Variants in DAB2 observed in about 807,000 individuals in gnomAD.
DAB2 encodes the protein disabled homolog 2.
DAB2 carries 28 observed loss-of-function variants against 71.6 expected under a neutral mutation model. The ratio of observed to expected loss-of-function variants is 0.39; its 90% CI spans 0.29 to 0.54. The LOEUF (loss-of-function observed/expected upper bound fraction) is 0.54, where lower values mean the gene tolerates loss of function less well. Among genes scored for constraint, DAB2 ranks in the 20% least tolerant of loss-of-function variants. The pLI is 0.68. For missense variants in DAB2, 867 were observed against 928.8 expected (o/e 0.93, Z 0.86); for synonymous variants, 345 against 339.7 (o/e 1.02, Z -0.17).
intron 9 of DAB2, among the ~76,000 whole-genome samples, chr5:39,384,616 T>G (rs1306306698): frequency 1.3e-5 from 2 of 152,192 alleles, no homozygotes; most frequent in Non-Finnish European, 2.9e-5. Context: ...GGTGTGTTAA[T>G]TTTTTGGATT....
intron 14 of DAB2, chr5:39,374,613 T>A (rs1445453807): frequency 1.7e-5 from 3 of 175,778 alleles, no homozygotes; most frequent in African/African-American, 7.2e-5. Context: ...CTTGGTGGCT[T>A]CAGAAAGTCA....
intron 1 of DAB2, among the ~76,000 whole-genome samples, chr5:39,407,765 GT>G (rs1323884289): frequency 6.6e-6 from 1 of 152,124 alleles, no homozygotes; most frequent in Non-Finnish European, 1.5e-5. Flanking sequence ...CATGACAGTA[GT>G]CAGCTTGAAA....
At chr5:39,400,327 G>C (rs896595424) in intron 1 of DAB2, among the ~76,000 whole-genome samples, 3 of 151,800 alleles carry the variant, frequency 2.0e-5, no homozygotes, top group African/African-American at 7.3e-5. Flanking sequence ...CTGCCTCCCA[G>C]GTTCAAGCCA....
intron 3 of DAB2, 43 bp from the exon 4 acceptor site, chr5:39,392,506 C>T (rs1057499292): frequency 7.1e-7 from 1 of 1,406,300 alleles, no homozygotes; most frequent in Non-Finnish European, 1.0e-6. Context: ...TTTTTAAAAA[C>T]ATCCTACAAT....
chr5:39,389,973 AGT>A, intron 5 of DAB2, 41 bp from the exon 6 acceptor site: 1 of 1,350,000 alleles, frequency 7.4e-7, no homozygotes, highest in Non-Finnish European at 1.0e-6. Context: ...TTTTAATTTT[AGT>A]ATTTTATTTC....
intron 13 of DAB2, among the ~76,000 whole-genome samples, 157 bp downstream of exon 13, chr5:39,375,840 T>C (rs1163919152): frequency 6.6e-6 from 1 of 152,084 alleles, no homozygotes; most frequent in African/African-American, 2.4e-5. Context: ...GAGCTGAGAT[T>C]GCACCACTGC....
At chr5:39,373,744 T>C (rs896105662) in intron 14 of DAB2, among the ~76,000 whole-genome samples, 6 of 152,192 alleles carry the variant, frequency 3.9e-5, no homozygotes, top group African/African-American at 1.4e-4. Context: ...ATTTAGTCCA[T>C]ACAATCCATC....
chr5:39,404,112 C>T (rs1316959927), intron 1 of DAB2, among the ~76,000 whole-genome samples: 1 of 151,784 alleles, frequency 6.6e-6, no homozygotes, highest in Non-Finnish European at 1.5e-5. Context: ...TTTATAGCAG[C>T]ATGATTTATA....
At position 39,422,837 on chromosome 5, in the gene DAB2, C is replaced by T. The variant is rs1422041372; in HGVS notation, c.-102+1967G>A. On this transcript the variant is annotated intron_variant, in intron 1 of 14. Transcript: ENST00000320816. This position sits in a 1 kb window ranked among gnomAD's most constrained non-coding sequence, Gnocchi z 4.1. ...CCTTTGGAGAAAGACAACAAACAGG[C>T]CTAATGCACAGGAATTTGGACTTCC... Among the ~76,000 whole-genome samples, 2 of 152,146 alleles carry T rather than the reference C, an allele frequency of 1.3e-5. No individual in the cohort carries two copies. The highest frequency in any genetic ancestry group is 2.9e-5 in the Non-Finnish European group (2 of 68,034).
intron 1 of DAB2, among the ~76,000 whole-genome samples, chr5:39,412,146 G>A (rs77083920): frequency 0.22 from 33,884 of 151,980 alleles, 3,899 homozygotes; most frequent in Admixed American, 0.28. Flanking sequence ...AAATGTCTTT[G>A]ACTCTTAAGA....
chr5:39,381,533 T>C lies in DAB2; in HGVS notation c.1425A>G (p.Gln475=). 1 of 1,614,116 alleles carries C rather than the reference T, an allele frequency of 6.2e-7. No individual in the cohort carries two copies. Among genetic ancestry groups the C allele is most frequent in the Non-Finnish European group, 8.5e-7 (1 of 1,179,982 alleles). Residue 475 remains glutamine, a synonymous_variant, in exon 11 of 15, where the codon CAA becomes CAG. Coordinates refer to ENST00000320816, the MANE Select transcript of DAB2 (RefSeq NM_001343.4). ...EPSGQASPTG[Q]PTALQPNPLD... Reference sequence around the variant, plus strand: ...GAGGGTTGGGCTGCAGGGCTGTAGGTTGTCCTGTGGGTGACGCCTGGCCTG... The same window carrying C: ...GAGGGTTGGGCTGCAGGGCTGTAGGCTGTCCTGTGGGTGACGCCTGGCCTG...
At chr5:39,398,938 G>A (rs1755438355) in intron 1 of DAB2, among the ~76,000 whole-genome samples, 1 of 152,076 alleles carries the variant, frequency 6.6e-6, no homozygotes, top group South Asian at 2.1e-4. Flanking sequence ...TTTGAATATT[G>A]TCACTTGCAT....
chr5:39,381,933 G>A (rs926411480), intron 10 of DAB2, among the ~76,000 whole-genome samples: 4 of 152,162 alleles, frequency 2.6e-5, no homozygotes, highest in Non-Finnish European at 4.4e-5. Context: ...GGGAGCAAGT[G>A]TGTAAAAGGG....
At chr5:39,421,321 CA>C (rs1050937334) in intron 1 of DAB2, among the ~76,000 whole-genome samples, 5 of 152,100 alleles carry the variant, frequency 3.3e-5, no homozygotes, top group African/African-American at 1.2e-4. Flanking sequence ...GGAGTAATAA[CA>C]AACAAACAAA....
rs1755647746 is a variant in DAB2 at position 39,408,192 on chromosome 5, G to T, written c.-101-13771C>A. On this transcript the variant is annotated intron_variant, in intron 1 of 14. Coordinates refer to ENST00000320816, the MANE Select transcript of DAB2 (RefSeq NM_001343.4). ...GTAAATCAGCACAGAGCAAACTAGG[G>T]TGTACATAGTGATTGTATACAGACA... Among the ~76,000 whole-genome samples, 3 of 152,194 alleles carry T rather than the reference G, an allele frequency of 2.0e-5. No individual in the cohort carries two copies. The South Asian group carries it at 6.2e-4, about 31-fold the overall frequency.
At chr5:39,423,325 T>C (rs866066885) in intron 1 of DAB2, among the ~76,000 whole-genome samples, 1 of 1,034 alleles carries the variant, frequency 9.7e-4, no homozygotes, top group African/African-American at 0.019. Context: ...TAGAAGACTT[T>C]CCCATTGTAC....
In DAB2 at chr5:39,382,775, G is replaced by A. The variant is rs186305041; in HGVS notation, c.1184C>T (p.Pro395Leu). Residue 395 changes from proline (P) to leucine (L), a missense_variant, in exon 10 of 15, where the codon CCG (proline) becomes CTG (leucine). Coordinates refer to ENST00000320816, the MANE Select transcript of DAB2 (RefSeq NM_001343.4). ...EQNGFSVKSS[P>L]NPFVGSPPKG... Reference sequence around the variant, plus strand: ...GGGAGGGCTTCCCACAAAAGGGTTCGGGGAGGATTTGACAGAGAAGCCGTT... The same window carrying A: ...GGGAGGGCTTCCCACAAAAGGGTTCAGGGAGGATTTGACAGAGAAGCCGTT... 1.5e-5 allele frequency: 25 copies of A among 1,614,000 alleles called. No homozygotes were observed. The highest frequency in any genetic ancestry group is 8.0e-5 in the African/African-American group (6 of 74,902).
chr5:39,402,912 G>A (rs971749682), intron 1 of DAB2, among the ~76,000 whole-genome samples: 8 of 152,136 alleles, frequency 5.3e-5, no homozygotes, highest in Non-Finnish European at 8.8e-5. Context: ...TCATGCCTAC[G>A]TCATTATCAC....
chr5:39,410,646 T>C (rs1443950666), intron 1 of DAB2, among the ~76,000 whole-genome samples: 1 of 152,186 alleles, frequency 6.6e-6, no homozygotes, highest in Non-Finnish European at 1.5e-5. Flanking sequence ...GACTCATTTA[T>C]TAGATCTATG....
Sources: gnomAD v4.1 joint callset for allele counts (sites outside exome capture counted in the v4.1 genomes callset) on GRCh38, gnomAD v4.1.1 for gene constraint, Gnocchi (gnomAD v3.1) non-coding constraint, MANE v1.5 for transcripts, NCBI Gene and HGNC (gene_info 2026-07-23, HGNC 2026-07-21) for gene names.